Variants in DOCK5 observed in about 807,000 individuals in gnomAD.
DOCK5 encodes the protein dedicator of cytokinesis protein 5.
In DOCK5, 142 loss-of-function variants were observed where a neutral mutation model predicts 251.8. That is an observed-to-expected ratio of 0.56 (90% CI 0.49 to 0.65). DOCK5 has a LOEUF of 0.65. DOCK5 is among the 30% of genes least tolerant of loss of function. The pLI, the probability that DOCK5 is intolerant of heterozygous loss-of-function variation, is 0.00. For synonymous variants in DOCK5, 842 were observed against 835.5 expected (o/e 1.01, Z -0.13); for missense variants, 2,111 against 2,312.3 (o/e 0.91, Z 1.79).
chr8:25,294,643 A>G (rs1333173761), intron 6 of DOCK5, among the ~76,000 whole-genome samples: 2 of 152,156 alleles, frequency 1.3e-5, no homozygotes, highest in Non-Finnish European at 2.9e-5. Flanking sequence ...GTTTGCTTCT[A>G]CTAGTTGCTG....
At chr8:25,333,753 A>G (rs896210670) in intron 20 of DOCK5, among the ~76,000 whole-genome samples, 3 of 152,100 alleles carry the variant, frequency 2.0e-5, no homozygotes, top group African/African-American at 7.2e-5. Context: ...GCATCCTTGG[A>G]TTAGAGAAAA....
chr8:25,337,502 G>A (rs1300747615), intron 22 of DOCK5, among the ~76,000 whole-genome samples: 5 of 150,332 alleles, frequency 3.3e-5, no homozygotes, highest in Admixed American at 2.6e-4. Context: ...TATCAGGTAT[G>A]ACAAAAATGA....
intron 11 of DOCK5, among the ~76,000 whole-genome samples, chr8:25,308,281 C>T (rs146767177): frequency 1.3e-5 from 2 of 152,268 alleles, no homozygotes; most frequent in African/African-American, 4.8e-5. Context: ...ATCTACCAGA[C>T]ACCAGGCATA....
chr8:25,397,612 A>G (rs1801368582), intron 45 of DOCK5, among the ~76,000 whole-genome samples: 1 of 152,230 alleles, frequency 6.6e-6, no homozygotes. Flanking sequence ...GATCTAATAT[A>G]CACTACTTTT....
At chr8:25,375,031 T>G in intron 37 of DOCK5, 1 of 1,048,808 alleles carries the variant, frequency 9.5e-7, no homozygotes, top group East Asian at 7.2e-5. Context: ...ATTCTCTCCC[T>G]AAATAAATGT....
At chr8:25,349,833 T>G (rs531647060) in intron 26 of DOCK5, among the ~76,000 whole-genome samples, 2 of 152,120 alleles carry the variant, frequency 1.3e-5, no homozygotes, top group Non-Finnish European at 2.9e-5. Context: ...GCTTGGGTGA[T>G]GGGTAAACAA....
chr8:25,304,456 C>T lies in DOCK5; in HGVS notation c.1049+129C>T, dbSNP rs539700348. The T allele has an allele frequency of 7.8e-6, 6 of 773,356 alleles. No homozygotes were observed. The East Asian group carries it at 1.8e-4, about 23-fold the overall frequency. The allele number at this position is 773,356 out of a possible 1,614,324, so 47.9% of individuals were successfully genotyped here. Reference sequence around the variant, plus strand: ...GAAAGATTCTAAGCTGCAAGATTGTCAGATAGGAGCTGAACAGAAGACTTT... The same window carrying T: ...GAAAGATTCTAAGCTGCAAGATTGTTAGATAGGAGCTGAACAGAAGACTTT... On this transcript the variant is annotated intron_variant, in intron 11 of 51. Transcript: ENST00000276440.
At position 25,332,281 on chromosome 8, in the gene DOCK5, C is replaced by T. The variant is rs1421757967; in HGVS notation, c.1934C>T (p.Ser645Phe). 6.2e-7 allele frequency: 1 copy of T among 1,613,468 alleles called. No homozygotes were observed. Among genetic ancestry groups the T allele is most frequent in the Non-Finnish European group, 8.5e-7 (1 of 1,179,642 alleles). ...CTGTTAGGCTTGTTAAATTGGCGTT[C>T]CAACTCCCAGAACATTAAACACAAC... ...VDLLGLLNWR[S>F]NSQNIKHNLK... is the part of the protein sequence containing the mutation. Residue 645 changes from serine to phenylalanine, a missense_variant, in exon 19 of 52, where the codon TCC (serine) becomes TTC (phenylalanine). Physicochemically the swap from Ser to Phe is radical, Grantham distance 155. Coordinates refer to ENST00000276440, the MANE Select transcript of DOCK5 (RefSeq NM_024940.8).
At chr8:25,197,623 T>C (rs13276395) in intron 1 of DOCK5, among the ~76,000 whole-genome samples, 88,900 of 141,106 alleles carry the variant, frequency 0.63, 30,608 homozygotes, top group Non-Finnish European at 0.76. Context: ...CTCGCTCTGT[T>C]GCCAGGGTGG....
chr8:25,191,018 T>C (rs1490790252), intron 1 of DOCK5, among the ~76,000 whole-genome samples: 1 of 152,012 alleles, frequency 6.6e-6, no homozygotes, highest in East Asian at 1.9e-4. Context: ...TCTCCTGAAC[T>C]TGGTCATGTT....
chr8:25,304,025 G>A (rs1804834798), intron 10 of DOCK5, among the ~76,000 whole-genome samples: 1 of 152,172 alleles, frequency 6.6e-6, no homozygotes, highest in African/African-American at 2.4e-5. Context: ...TGGGTAGTCT[G>A]CAAAATTGAT....
intron 28 of DOCK5, 88 bp downstream of exon 28, chr8:25,359,149 G>A: frequency 2.5e-6 from 3 of 1,180,812 alleles, no homozygotes; most frequent in Non-Finnish European, 3.8e-6. Flanking sequence ...GTGAGTCCAG[G>A]GTTCTCTTCC....
At chr8:25,299,707 T>A (rs1804710646) in intron 8 of DOCK5, among the ~76,000 whole-genome samples, 1 of 152,182 alleles carries the variant, frequency 6.6e-6, no homozygotes, top group Admixed American at 6.5e-5. Context: ...AAGAAAATAA[T>A]GTCTATTAAA....
chr8:25,304,483 T>C (rs1380415938), intron 11 of DOCK5, 156 bp downstream of exon 11: 4 of 592,236 alleles, frequency 6.8e-6, no homozygotes, highest in Non-Finnish European at 1.1e-5. Flanking sequence ...GAAGACTTTA[T>C]TCAAAGTCCT....
chr8:25,377,450 A>C (rs749439236), intron 38 of DOCK5, 26 bp downstream of exon 38: 1 of 1,607,454 alleles, frequency 6.2e-7, no homozygotes, highest in Non-Finnish European at 8.5e-7. Context: ...TTTTTGTACT[A>C]GGGGAAAGAG....
In DOCK5 at chr8:25,226,671, C is replaced by T. The variant is rs184386922; in HGVS notation, c.44-17003C>T. Among the ~76,000 whole-genome samples, 59 of 151,786 alleles carry T rather than the reference C, an allele frequency of 3.9e-4. 1 individual carries two copies. In the East Asian group the frequency reaches 8.1e-3, roughly 21 times the overall value. On this transcript the variant is annotated intron_variant, in intron 1 of 51. Coordinates refer to ENST00000276440, the MANE Select transcript of DOCK5 (RefSeq NM_024940.8). ...CGTGATCTCAGCTCCCTGCAAGCTC[C>T]GCCTCCTGGGTTCACGCCACTCTCC... is the stretch of plus-strand genomic sequence containing the variant.
chr8:25,186,185 C>T (rs758447002), intron 1 of DOCK5, among the ~76,000 whole-genome samples: 7 of 151,910 alleles, frequency 4.6e-5, no homozygotes, highest in African/African-American at 1.7e-4. Flanking sequence ...CTCATATTTA[C>T]TATATTATTC....
chr8:25,290,539 A>T (rs1467600925), intron 5 of DOCK5, among the ~76,000 whole-genome samples: 1 of 152,232 alleles, frequency 6.6e-6, no homozygotes, highest in East Asian at 1.9e-4. Context: ...TAGTGAAACC[A>T]AGATTAACAG....
At chr8:25,291,370 G>A (rs1023563405) in intron 5 of DOCK5, among the ~76,000 whole-genome samples, 3 of 152,042 alleles carry the variant, frequency 2.0e-5, no homozygotes, top group Non-Finnish European at 4.4e-5. Flanking sequence ...TCTATGACAC[G>A]ATTGATTAAA....
Sources: gnomAD v4.1 joint callset for allele counts (sites outside exome capture counted in the v4.1 genomes callset) on GRCh38, gnomAD v4.1.1 for gene constraint, MANE v1.5 for transcripts, NCBI Gene and HGNC (gene_info 2026-07-23, HGNC 2026-07-21) for gene names.